The following ASIC2 variants were observed in gnomAD, a reference collection of about 807,000 sequenced individuals.
The protein encoded by ASIC2 is acid sensing ion channel subunit 2.
In ASIC2, 25 loss-of-function variants were observed where a neutral mutation model predicts 57.3. The observed-to-expected ratio is 0.44, with a 90% CI of 0.32 to 0.61. The LOEUF (loss-of-function observed/expected upper bound fraction) is 0.61, where lower values mean the gene tolerates loss of function less well. ASIC2 is among the 20% of genes least tolerant of loss of function. ASIC2 has a pLI of 0.06. For synonymous variants in ASIC2, 319 were observed against 307.5 expected (o/e 1.04, Z -0.39); for missense variants, 641 against 738.1 (o/e 0.87, Z 1.52).
In ASIC2 at chr17:33,604,529, C is replaced by T. The variant is rs139431519; in HGVS notation, c.556-492462G>A. Among the ~76,000 whole-genome samples, 638 of 152,194 alleles carry T rather than the reference C, an allele frequency of 4.2e-3. 2 individuals carry two copies. The highest frequency in any genetic ancestry group is 0.02 in the Middle Eastern group (6 of 294). ...GGTGGCATGGCAAACAGTTGTGGAG[C>T]ACAGGGATGGAACACAAATGACAGC... On this transcript the variant is annotated intron_variant, in intron 1 of 9. Coordinates refer to the ASIC2 transcript ENST00000359872.
rs139367287 is a variant in ASIC2 at position 33,185,713 on chromosome 17, C to T, written c.709-73646G>A. ...GTCTCCCTTCATTCTTCATGGAGTACTGATCACTGTGTATGTGAGGAAACC... is the reference window on the plus strand; with the variant it reads ...GTCTCCCTTCATTCTTCATGGAGTATTGATCACTGTGTATGTGAGGAAACC... On this transcript the variant is annotated intron_variant, in intron 1 of 9. Transcript: ENST00000225823. Among the ~76,000 whole-genome samples, 372 of 152,292 alleles carry T rather than the reference C, an allele frequency of 2.4e-3. 2 individuals carry two copies. Among genetic ancestry groups the T allele is most frequent in the Non-Finnish European group, 3.4e-3 (228 of 68,026 alleles).
intron 1 of ASIC2, among the ~76,000 whole-genome samples, chr17:33,864,824 C>A (rs901379606): frequency 1.3e-5 from 2 of 152,168 alleles, no homozygotes; most frequent in African/African-American, 4.8e-5. Context: ...CACAAAGATA[C>A]ACCTAAGAGA....
chr17:33,545,395 T>C lies in ASIC2; in HGVS notation c.556-433328A>G, dbSNP rs1915546643. The stretch of plus-strand genomic sequence containing the variant: ...ACGTCTTCATTTGTAGGAGACAGTC[T>C]GATCTTAGGGACATTAAAATTGAAA... On this transcript the variant is annotated intron_variant, in intron 1 of 9. Transcript: ENST00000359872. Among the ~76,000 whole-genome samples, 4 of 152,202 alleles carry C rather than the reference T, an allele frequency of 2.6e-5. No homozygotes were observed. In the South Asian group the frequency reaches 8.3e-4, roughly 32 times the overall value.
intron 1 of ASIC2, among the ~76,000 whole-genome samples, chr17:33,634,570 C>G (rs535626839): frequency 2.1e-5 from 3 of 141,708 alleles, no homozygotes; most frequent in South Asian, 4.4e-4. Context: ...GGCTGGAGTG[C>G]AGTAGTGCGA....
intron 1 of ASIC2, among the ~76,000 whole-genome samples, chr17:33,527,583 C>A (rs1248120186): frequency 6.6e-6 from 1 of 152,128 alleles, no homozygotes; most frequent in Non-Finnish European, 1.5e-5. Flanking sequence ...AAAACTGAAT[C>A]AAAAACAACA....
chr17:33,429,615 C>T (rs1218924243), intron 1 of ASIC2, among the ~76,000 whole-genome samples: 2 of 152,100 alleles, frequency 1.3e-5, no homozygotes, highest in Non-Finnish European at 2.9e-5. Flanking sequence ...TGGTCTCGAT[C>T]TCCTGACCTC....
chr17:34,155,835 C>T, intron 1 of ASIC2: 2 of 917,834 alleles, frequency 2.2e-6, no homozygotes, highest in Non-Finnish European at 3.2e-6. Flanking sequence ...ACAACTCTGA[C>T]CAACTACCCT....
At chr17:33,967,939 A>G (rs1325305927) in intron 1 of ASIC2, among the ~76,000 whole-genome samples, 1 of 152,152 alleles carries the variant, frequency 6.6e-6, no homozygotes, top group African/African-American at 2.4e-5. Flanking sequence ...TCGGGGCCTC[A>G]CATTGTCATT....
chr17:33,163,045 G>A (rs1905206259), intron 1 of ASIC2, among the ~76,000 whole-genome samples: 1 of 152,206 alleles, frequency 6.6e-6, no homozygotes, highest in South Asian at 2.1e-4. Flanking sequence ...AAAGAAGCAA[G>A]TCAGACACAG....
chr17:33,170,345 C>T (rs1905463769), intron 1 of ASIC2, among the ~76,000 whole-genome samples: 1 of 152,106 alleles, frequency 6.6e-6, no homozygotes, highest in Non-Finnish European at 1.5e-5. Flanking sequence ...CTCTAAATTC[C>T]CTTCAAATAG....
At chr17:33,394,548 C>T (rs546672621) in intron 1 of ASIC2, among the ~76,000 whole-genome samples, 1 of 152,202 alleles carries the variant, frequency 6.6e-6, no homozygotes, top group East Asian at 1.9e-4. Context: ...ATAATGTGAG[C>T]AGGGTATGAG....
At chr17:34,093,869 G>T (rs1410636452) in intron 1 of ASIC2, among the ~76,000 whole-genome samples, 1 of 152,190 alleles carries the variant, frequency 6.6e-6, no homozygotes, top group South Asian at 2.1e-4. Flanking sequence ...GTCATTTGGG[G>T]GCACAGGAGG....
intron 1 of ASIC2, among the ~76,000 whole-genome samples, chr17:34,154,993 G>A (rs1007364064): frequency 1.3e-5 from 2 of 151,960 alleles, no homozygotes; most frequent in African/African-American, 4.8e-5. Flanking sequence ...TGCTCCTCTC[G>A]TCCTTTCCTC....
At chr17:33,295,508 C>A (rs7212280), upstream of ASIC2, among the ~76,000 whole-genome samples, 5,737 of 152,242 alleles carry the variant, frequency 0.038, 348 homozygotes, top group African/African-American at 0.13. Context: ...TCAAGGTTTC[C>A]TTGATTCTCC....
chr17:34,131,325 G>A (rs1250232926), intron 1 of ASIC2, among the ~76,000 whole-genome samples: 1 of 152,098 alleles, frequency 6.6e-6, no homozygotes, highest in Non-Finnish European at 1.5e-5. Context: ...AGCTGGGGAG[G>A]AATCAATTAG....
At chr17:33,990,364 A>G (rs1191858209) in intron 1 of ASIC2, among the ~76,000 whole-genome samples, 2 of 152,254 alleles carry the variant, frequency 1.3e-5, no homozygotes, top group Non-Finnish European at 2.9e-5. Flanking sequence ...TAACTTTAAA[A>G]AAAAATTTTA....
chr17:33,969,890 G>C (rs571111470), intron 1 of ASIC2, among the ~76,000 whole-genome samples: 2 of 152,228 alleles, frequency 1.3e-5, no homozygotes, highest in South Asian at 4.2e-4. Flanking sequence ...GCCTCGCTAG[G>C]CCTCCGATAT....
intron 1 of ASIC2, among the ~76,000 whole-genome samples, chr17:33,558,118 G>A (rs1002738094): frequency 2.0e-5 from 3 of 151,906 alleles, no homozygotes; most frequent in Non-Finnish European, 2.9e-5. Flanking sequence ...CAGCCCCACA[G>A]GGTTGGTGGG....
At chr17:33,597,293 G>T (rs1038926936) in intron 1 of ASIC2, among the ~76,000 whole-genome samples, 1 of 152,192 alleles carries the variant, frequency 6.6e-6, no homozygotes, top group Non-Finnish European at 1.5e-5. Context: ...CTGGCTGGAA[G>T]AAATGCCTCC....
Sources: gnomAD v4.1 joint callset for allele counts (sites outside exome capture counted in the v4.1 genomes callset) on GRCh38, gnomAD v4.1.1 for gene constraint, MANE v1.5 for transcripts, NCBI Gene and HGNC (gene_info 2026-07-23, HGNC 2026-07-21) for gene names.